NXPE3: variants seen among roughly 807,000 people sequenced by gnomAD.
The protein encoded by NXPE3 is NXPE family member 3.
Under a neutral mutation model 46.1 loss-of-function variants are expected in NXPE3, and 26 were observed. The observed-to-expected ratio is 0.56, with a 90% CI of 0.41 to 0.78. The LOEUF is 0.78. Among genes scored for constraint, NXPE3 ranks in the 30% least tolerant of loss-of-function variants. NXPE3 has a pLI of 0.00. For missense variants in NXPE3, 620 were observed against 686.0 expected (o/e 0.90, Z 1.07); for synonymous variants, 272 against 257.9 (o/e 1.05, Z -0.52).
chr3:101,800,238 G>A (rs771139555), intron 4 of NXPE3, among the ~76,000 whole-genome samples: 4 of 151,982 alleles, frequency 2.6e-5, no homozygotes, highest in Non-Finnish European at 5.9e-5. Context: ...TCATTCTATA[G>A]TGTTTAATGA....
In NXPE3 at chr3:101,821,689, A is replaced by G. The variant is rs1285126971; in HGVS notation, c.1415A>G (p.Asp472Gly). 6.2e-7 allele frequency: 1 copy of G among 1,614,190 alleles called. No homozygotes were observed. The highest frequency in any genetic ancestry group is 8.5e-7 in the Non-Finnish European group (1 of 1,180,032). The change falls in exon 8 of 8, where the codon GAT becomes GGT. Residue 472 changes from aspartate to glycine, a missense_variant. Asp to Gly is a moderately conservative substitution (Grantham distance 94, BLOSUM62 -1). Coordinates refer to ENST00000273347, the MANE Select transcript of NXPE3 (RefSeq NM_145037.4). ...CGTCGAGCAGTGGTTCGGCTCCTCG[A>G]TCGAAGCCCAAAGACCGTGGTGGTC... ...NIRRAVVRLL[D>G]RSPKTVVVIR...
intron 4 of NXPE3, among the ~76,000 whole-genome samples, chr3:101,789,693 T>C (rs1342913765): frequency 1.3e-5 from 2 of 152,180 alleles, no homozygotes; most frequent in African/African-American, 4.8e-5. Context: ...ACCCATGTGT[T>C]ATTTAGGTTT....
chr3:101,792,867 T>G (rs551781122), intron 4 of NXPE3, among the ~76,000 whole-genome samples: 13 of 152,372 alleles, frequency 8.5e-5, no homozygotes, highest in African/African-American at 3.1e-4. Context: ...TATAGCCATT[T>G]TAATTATATT....
At chr3:101,819,151 G>A (rs1236113888) in intron 7 of NXPE3, among the ~76,000 whole-genome samples, 3 of 152,140 alleles carry the variant, frequency 2.0e-5, no homozygotes, top group Non-Finnish European at 4.4e-5. Flanking sequence ...ATCCATCTGA[G>A]CATTGCTGGC....
At chr3:101,818,858 C>T (rs1181697586) in intron 7 of NXPE3, among the ~76,000 whole-genome samples, 1 of 143,752 alleles carries the variant, frequency 7.0e-6, no homozygotes, top group Non-Finnish European at 1.5e-5. Context: ...CTCTGCCTCG[C>T]AGGTTCATGT....
intron 4 of NXPE3, among the ~76,000 whole-genome samples, chr3:101,786,598 G>A (rs762394353): frequency 2.6e-5 from 4 of 152,158 alleles, no homozygotes; most frequent in Non-Finnish European, 4.4e-5. Context: ...TTTCCTATTA[G>A]AAATAGGCTT....
In NXPE3 at chr3:101,827,555, C is replaced by G. The variant is rs537201491; in HGVS notation, c.*5601C>G. 3.0e-4 allele frequency among the ~76,000 whole-genome samples: 46 copies of G among 152,128 alleles called. No homozygotes were observed. The highest frequency in any genetic ancestry group is 6.0e-4 in the Non-Finnish European group (41 of 68,034). On this transcript the variant is annotated 3_prime_UTR_variant, in exon 8 of 8. Transcript: ENST00000273347. ...TGCACCCTCACGTTTAGGGGCCACA[C>G]AGAAAAAGCGAAATAAGATGAGGTG...
At chr3:101,786,150 G>A (rs533096009) in intron 4 of NXPE3, among the ~76,000 whole-genome samples, 3 of 152,182 alleles carry the variant, frequency 2.0e-5, no homozygotes, top group South Asian at 2.1e-4. Context: ...TTACTAGATG[G>A]TACTCAGGGA....
chr3:101,821,322 T>C (rs1196646421), intron 7 of NXPE3, 82 bp from the exon 8 acceptor site: 12 of 1,214,032 alleles, frequency 9.9e-6, no homozygotes, highest in African/African-American at 3.0e-5. Flanking sequence ...AAATTGTTAT[T>C]TGAAGCCACT....
At chr3:101,818,658 G>A (rs987571862) in intron 7 of NXPE3, among the ~76,000 whole-genome samples, 3 of 129,836 alleles carry the variant, frequency 2.3e-5, no homozygotes, top group Non-Finnish European at 4.7e-5. Flanking sequence ...AGAGAAACCT[G>A]GAAATGCAAG....
chr3:101,780,988 T>C (rs1039900661), intron 1 of NXPE3, among the ~76,000 whole-genome samples: 1 of 152,232 alleles, frequency 6.6e-6, no homozygotes, highest in Non-Finnish European at 1.5e-5. Flanking sequence ...GGGTCCTGGA[T>C]GGGTCTCCAG....
rs1416748942 is a variant in NXPE3 at position 101,828,002 on chromosome 3, C to G, written c.*6048C>G. ...GAGAGGGGCTGGCCTCCTCTTGCCACGAGGTCAGACGGCGAGTTCTTAGAG... is the reference window on the plus strand; with the variant it reads ...GAGAGGGGCTGGCCTCCTCTTGCCAGGAGGTCAGACGGCGAGTTCTTAGAG... On this transcript the variant is annotated 3_prime_UTR_variant, in exon 8 of 8. Coordinates refer to ENST00000273347, the MANE Select transcript of NXPE3 (RefSeq NM_145037.4). 2.6e-5 allele frequency: 4 copies of G among 152,202 alleles called. No individual in the cohort carries two copies. Among genetic ancestry groups the G allele is most frequent in the Non-Finnish European group, 5.9e-5 (4 of 68,046 alleles). 9.4% of individuals were successfully genotyped at this position (152,202 alleles called of 1,614,324 possible). A position where few individuals can be genotyped will look rare whatever the true frequency, so the allele number is the denominator to read the frequency against.
At chr3:101,811,727 ATTT>A (rs33999838) in intron 6 of NXPE3, among the ~76,000 whole-genome samples, 7 of 98,630 alleles carry the variant, frequency 7.1e-5, no homozygotes, top group African/African-American at 2.3e-4. Context: ...GCAGTAGTTA[ATTT>A]TTTTTTTTTT....
chr3:101,801,856 A>G lies in NXPE3; in HGVS notation c.715A>G (p.Thr239Ala). 1 of 1,614,128 alleles carries G rather than the reference A, an allele frequency of 6.2e-7. No homozygotes were observed. Among genetic ancestry groups the G allele is most frequent in the Non-Finnish European group, 8.5e-7 (1 of 1,180,012 alleles). ...TGGGAATCTGCCCCTGTGTAACTTTACAGACCTCTACACTGGGGAGCCCTG... is the reference window on the plus strand; with the variant it reads ...TGGGAATCTGCCCCTGTGTAACTTTGCAGACCTCTACACTGGGGAGCCCTG... Reference protein sequence around the residue: ...LPGNLPLCNFTDLYTGEPWFC... With the variant: ...LPGNLPLCNFADLYTGEPWFC... Residue 239 changes from threonine to alanine, a missense_variant, in exon 5 of 8, where the codon ACA (threonine) becomes GCA (alanine). Around this residue, in one of 3 missense-constraint regions of NXPE3, gnomAD observed 511 missense variants for 528.6 expected, o/e 0.97. Transcript: ENST00000273347.
intron 4 of NXPE3, among the ~76,000 whole-genome samples, chr3:101,799,147 C>G (rs1026328978): frequency 6.6e-6 from 1 of 151,816 alleles, no homozygotes; most frequent in Non-Finnish European, 1.5e-5. Context: ...GCTATGTTTC[C>G]CAGGTTGGTC....
At chr3:101,820,707 A>G (rs1942207364) in intron 7 of NXPE3, among the ~76,000 whole-genome samples, 1 of 152,230 alleles carries the variant, frequency 6.6e-6, no homozygotes, top group South Asian at 2.1e-4. Context: ...TAAAATTGAG[A>G]TAATATCTTT....
In NXPE3 at chr3:101,823,453, A is replaced by G. The variant is rs1351892564; in HGVS notation, c.*1499A>G. ...TTACGCTTTACAGTACCTAAGGATCACTTGTAGTATCTGACAAAAATGCAG... is the reference window on the plus strand; with the variant it reads ...TTACGCTTTACAGTACCTAAGGATCGCTTGTAGTATCTGACAAAAATGCAG... On this transcript the variant is annotated 3_prime_UTR_variant, in exon 8 of 8. Transcript: ENST00000273347. 1 of 152,158 alleles carries G rather than the reference A, an allele frequency of 6.6e-6. No homozygotes were observed. Among genetic ancestry groups the G allele is most frequent in the Admixed American group, 6.5e-5 (1 of 15,274 alleles). 9.4% of individuals were successfully genotyped at this position (152,158 alleles called of 1,614,324 possible).
intron 6 of NXPE3, among the ~76,000 whole-genome samples, chr3:101,808,854 T>TATACATATATATATAC (rs770360739): frequency 0.038 from 3,787 of 100,296 alleles, 345 homozygotes; most frequent in Middle Eastern, 0.052. Context: ...TATATATATA[T>TATACATATATATATAC]ATGAGACATT....
At chr3:101,793,754 C>A (rs1014605794) in intron 4 of NXPE3, among the ~76,000 whole-genome samples, 3 of 149,116 alleles carry the variant, frequency 2.0e-5, no homozygotes, top group Middle Eastern at 3.2e-3. Flanking sequence ...TTCAGTAGTT[C>A]TCTCCCCAGC....
Sources: gnomAD v4.1 joint callset for allele counts (sites outside exome capture counted in the v4.1 genomes callset) on GRCh38, gnomAD v4.1.1 for gene constraint, gnomAD v4.1.1 regional missense constraint, MANE v1.5 for transcripts, NCBI Gene and HGNC (gene_info 2026-07-23, HGNC 2026-07-21) for gene names.